The following EIF3L variants were observed in gnomAD, a reference collection of about 807,000 sequenced individuals.
EIF3L encodes eukaryotic translation initiation factor 3 subunit L.
EIF3L carries 32 observed loss-of-function variants against 74.6 expected under a neutral mutation model. The ratio of observed to expected loss-of-function variants is 0.43; its 90% CI spans 0.32 to 0.58. The LOEUF is 0.58. Among genes scored for constraint, EIF3L ranks in the 20% least tolerant of loss-of-function variants. EIF3L has a pLI of 0.06. For missense variants in EIF3L, 474 were observed against 707.8 expected (o/e 0.67, Z 3.75); for synonymous variants, 256 against 254.4 (o/e 1.01, Z -0.06).
In EIF3L at chr22:37,851,375, C is replaced by T. The variant is rs773306642; in HGVS notation, c.178C>T (p.His60Tyr). 4 of 1,614,068 alleles carry T rather than the reference C, an allele frequency of 2.5e-6. No homozygotes were observed. The South Asian group carries it at 4.4e-5, about 18-fold the overall frequency. Residue 60 changes from histidine to tyrosine, a missense_variant, in exon 3 of 13, where the codon CAC becomes TAC. Coordinates refer to ENST00000652021, the MANE Select transcript of EIF3L (RefSeq NM_016091.4). ...GATCAAAAACTTCATCCAGTATTTC[C>T]ACAAAACTGTCTCAGATTTGATTGA... ...EVIKNFIQYF[H>Y]KTVSDLIDQK...
intron 8 of EIF3L, among the ~76,000 whole-genome samples, chr22:37,872,322 C>T (rs1408197059): frequency 1.3e-5 from 2 of 152,042 alleles, no homozygotes; most frequent in Non-Finnish European, 2.9e-5. Flanking sequence ...CAGAGTTTGA[C>T]CATGTTGGCC....
At chr22:37,857,373 A>C (rs1371469633) in intron 4 of EIF3L, among the ~76,000 whole-genome samples, 1 of 149,336 alleles carries the variant, frequency 6.7e-6, no homozygotes, top group African/African-American at 2.5e-5. Flanking sequence ...GCGTCCCAAA[A>C]AAAAAAAAAA....
chr22:37,850,023 T>C lies in EIF3L; in HGVS notation c.42T>C (p.Tyr14=), dbSNP rs1220241960. 3 of 1,613,834 alleles carry C rather than the reference T, an allele frequency of 1.9e-6. No individual in the cohort carries two copies. The highest frequency in any genetic ancestry group is 1.3e-5 in the African/African-American group (1 of 75,020). The change falls in exon 2 of 13, where the codon TAT becomes TAC. Residue 14 remains tyrosine (Y), a synonymous_variant. Transcript: ENST00000652021. ...TGTCTCTTTCCTTCTAGGCGGCTTATGACCCCTACGCTTATCCCAGCGACT... is the reference window on the plus strand; with the variant it reads ...TGTCTCTTTCCTTCTAGGCGGCTTACGACCCCTACGCTTATCCCAGCGACT... ...PADDYESEAA[Y]DPYAYPSDYD...
chr22:37,856,768 C>T (rs1189980843), intron 4 of EIF3L, among the ~76,000 whole-genome samples: 4 of 151,078 alleles, frequency 2.6e-5, no homozygotes, highest in South Asian at 2.1e-4. Flanking sequence ...CACTTGAACC[C>T]GGAAGGCAGA....
At position 37,851,338 on chromosome 22, in the gene EIF3L, G is replaced by C. The variant is rs1363473504; in HGVS notation, c.141G>C (p.Val47=). Residue 47 remains valine (V), a synonymous_variant, in exon 3 of 13, where the codon GTG becomes GTC. Coordinates refer to ENST00000652021, the MANE Select transcript of EIF3L (RefSeq NM_016091.4). ...AGTATGAACAGCAAACCTATCAGGT[G>C]ATCCCTGAGGTGATCAAAAACTTCA... ...ERQYEQQTYQ[V]IPEVIKNFIQ... is the part of the protein sequence containing the mutation. 1.2e-6 allele frequency: 2 copies of C among 1,614,070 alleles called. No individual in the cohort carries two copies. The highest frequency in any genetic ancestry group is 8.5e-7 in the Non-Finnish European group (1 of 1,180,050).
In EIF3L at chr22:37,888,576, A is replaced by G. The variant is rs1386354451; in HGVS notation, c.*112A>G. 8.8e-7 allele frequency: 1 copy of G among 1,138,650 alleles called. No homozygotes were observed. The highest frequency in any genetic ancestry group is 1.8e-5 in the Admixed American group (1 of 54,282). 70.5% of individuals were successfully genotyped at this position (1,138,650 alleles called of 1,614,324 possible). A position where few individuals can be genotyped will look rare whatever the true frequency, so the allele number is the denominator to read the frequency against. The stretch of plus-strand genomic sequence containing the variant: ...CCATCAGCCTGTCAACTCAGTTAAC[A>G]AGTTAAGGACCGAAGTGTTTCAAGT... On this transcript the variant is annotated 3_prime_UTR_variant, in exon 13 of 13. Coordinates refer to ENST00000652021, the MANE Select transcript of EIF3L (RefSeq NM_016091.4).
chr22:37,857,851 T>C (rs73413916), intron 4 of EIF3L, among the ~76,000 whole-genome samples: 2,695 of 152,164 alleles, frequency 0.018, 75 homozygotes, highest in African/African-American at 0.058. Context: ...TTACTCTCAA[T>C]TGACTAAACA....
chr22:37,851,603 TG>T (rs1253006028), intron 3 of EIF3L, 113 bp downstream of exon 3: 2 of 221,278 alleles, frequency 9.0e-6, no homozygotes, highest in Admixed American at 1.3e-4. Context: ...GGTTGGGGGG[TG>T]GGGGTCTTTG....
intron 7 of EIF3L, among the ~76,000 whole-genome samples, chr22:37,869,712 T>C (rs1926371317): frequency 6.6e-6 from 1 of 152,132 alleles, no homozygotes; most frequent in Non-Finnish European, 1.5e-5. Context: ...TGGGAACTGA[T>C]GGTCAGCTGT....
intron 11 of EIF3L, 38 bp downstream of exon 11, chr22:37,878,209 T>C: frequency 6.5e-7 from 1 of 1,545,186 alleles, no homozygotes; most frequent in Non-Finnish European, 8.7e-7. Context: ...TTGTATTAAG[T>C]GTTCAGTATC....
chr22:37,860,211 G>C (rs553913560), intron 5 of EIF3L, among the ~76,000 whole-genome samples: 1 of 152,174 alleles, frequency 6.6e-6, no homozygotes, highest in South Asian at 2.1e-4. Flanking sequence ...TTTTCTCATG[G>C]TAATCATCTC....
At chr22:37,859,204 G>A (rs1034298676) in intron 5 of EIF3L, among the ~76,000 whole-genome samples, 11 of 151,594 alleles carry the variant, frequency 7.3e-5, no homozygotes, top group Non-Finnish European at 1.0e-4. Context: ...GTTGGTACCC[G>A]AGGTGCCAAG....
intron 11 of EIF3L, chr22:37,882,805 G>A (rs139847): frequency 0.41 from 61,689 of 151,750 alleles, 12,801 homozygotes; most frequent in African/African-American, 0.43. Flanking sequence ...GATCAAGACC[G>A]TCCTGGCCAA....
intron 3 of EIF3L, among the ~76,000 whole-genome samples, chr22:37,854,456 G>GT (rs1925389745): frequency 6.6e-6 from 1 of 152,046 alleles, no homozygotes; most frequent in African/African-American, 2.4e-5. Flanking sequence ...TTGTTTCTGT[G>GT]TTTTTTCTGT....
chr22:37,859,416 C>T (rs1446537284), intron 5 of EIF3L, among the ~76,000 whole-genome samples: 2 of 118,840 alleles, frequency 1.7e-5, no homozygotes, highest in Non-Finnish European at 3.2e-5. Flanking sequence ...GAGTCTCGCT[C>T]TGTCGCCCAG....
chr22:37,876,683 A>T (rs1926769812), intron 10 of EIF3L: 1 of 138,576 alleles, frequency 7.2e-6, no homozygotes, highest in Non-Finnish European at 1.7e-5. Flanking sequence ...TCTTGATGAT[A>T]AGGACTTGAT....
At chr22:37,862,578 C>T (rs904600055) in intron 5 of EIF3L, among the ~76,000 whole-genome samples, 1 of 152,230 alleles carries the variant, frequency 6.6e-6, no homozygotes, top group Admixed American at 6.5e-5. Flanking sequence ...AAGACTGCAA[C>T]ATTCCTGGCC....
chr22:37,878,906 C>G (rs1030095231), intron 11 of EIF3L: 1 of 150,296 alleles, frequency 6.7e-6, no homozygotes, highest in Non-Finnish European at 1.5e-5. Flanking sequence ...GAAGTTTAAG[C>G]TAAGCTAAGA....
At chr22:37,868,572 GC>G (rs779463282) in intron 7 of EIF3L, among the ~76,000 whole-genome samples, 1 of 147,996 alleles carries the variant, frequency 6.8e-6, no homozygotes, top group African/African-American at 2.5e-5. Context: ...TCCTGCCTCA[GC>G]CTCCCGAGTA....
Sources: gnomAD v4.1 joint callset for allele counts (sites outside exome capture counted in the v4.1 genomes callset) on GRCh38, gnomAD v4.1.1 for gene constraint, MANE v1.5 for transcripts, NCBI Gene and HGNC (gene_info 2026-07-23, HGNC 2026-07-21) for gene names.